Variants in ZBTB10 observed in about 807,000 individuals in gnomAD.
ZBTB10 encodes zinc finger and BTB domain-containing protein 10.
ZBTB10 carries 32 observed loss-of-function variants against 76.4 expected under a neutral mutation model. The ratio of observed to expected loss-of-function variants is 0.42; its 90% CI spans 0.32 to 0.56. ZBTB10 has a LOEUF of 0.56. Among genes scored for constraint, ZBTB10 ranks in the 20% least tolerant of loss-of-function variants. The pLI is 0.14. For synonymous variants in ZBTB10, 523 were observed against 432.9 expected (o/e 1.21, Z -2.58); for missense variants, 1,057 against 1,098.5 (o/e 0.96, Z 0.53).
chr8:80,519,592 G>A lies in ZBTB10; in HGVS notation c.*64G>A. On this transcript the variant is annotated 3_prime_UTR_variant, in exon 6 of 6. Transcript: ENST00000455036. ...CTAATATGAATCGACAATTTGGATT[G>A]TTGAACTTGAAGGCTTGCAAAATAT... The A allele has an allele frequency of 6.8e-7, 1 of 1,481,058 alleles. No individual in the cohort carries two copies. Among genetic ancestry groups the A allele is most frequent in the Non-Finnish European group, 9.1e-7 (1 of 1,103,718 alleles). 91.7% of individuals were successfully genotyped at this position (1,481,058 alleles called of 1,614,324 possible).
chr8:80,506,544 C>G (rs1816057271), intron 2 of ZBTB10, among the ~76,000 whole-genome samples: 3 of 149,994 alleles, frequency 2.0e-5, no homozygotes, highest in African/African-American at 7.5e-5. Flanking sequence ...GTCTTGAACT[C>G]CTGACCTCAG....
At chr8:80,517,896 T>TTTG (rs1816368388) in intron 3 of ZBTB10, among the ~76,000 whole-genome samples, 1 of 145,430 alleles carries the variant, frequency 6.9e-6, no homozygotes, top group African/African-American at 2.6e-5. Flanking sequence ...TTTTTTTTTT[T>TTTG]GAGACATGAT....
At position 80,518,902 on chromosome 8, in the gene ZBTB10, A is replaced by C; in HGVS notation, c.2258A>C (p.Asp753Ala). 6.2e-7 allele frequency: 1 copy of C among 1,609,344 alleles called. No homozygotes were observed. Among genetic ancestry groups the C allele is most frequent in the Non-Finnish European group, 8.5e-7 (1 of 1,177,472 alleles). ...IHTGVRSFSC[D>A]ICGKLFTRRE... ...ACAGGAGTGAGATCATTTAGCTGTG[A>C]TATTTGTGGAAAACTGTTTACTCGA... Residue 753 changes from aspartate to alanine, a missense_variant, in exon 5 of 6, where the codon GAT becomes GCT. Physicochemically the swap from Asp to Ala is moderately radical, Grantham distance 126 (BLOSUM62 -2). This residue lies in a region of ZBTB10 where 54 missense variants were observed against 138.1 expected (regional missense o/e 0.39). Transcript: ENST00000455036.
chr8:80,493,205 G>GCGCGCGCACACA (rs1554551251), intron 1 of ZBTB10, among the ~76,000 whole-genome samples: 1 of 98,372 alleles, frequency 1.0e-5, no homozygotes, highest in Non-Finnish European at 2.2e-5. Context: ...GCGCGCGCGC[G>GCGCGCGCACACA]CGCACACACA....
intron 3 of ZBTB10, 90 bp downstream of exon 3, chr8:80,514,098 G>C (rs1430696687): frequency 1.7e-6 from 2 of 1,185,630 alleles, no homozygotes; most frequent in Non-Finnish European, 2.4e-6. Flanking sequence ...TCTTCCATAA[G>C]GGGGTTCTAT....
At chr8:80,501,673 T>C (rs561342894) in intron 2 of ZBTB10, among the ~76,000 whole-genome samples, 3 of 152,036 alleles carry the variant, frequency 2.0e-5, no homozygotes, top group African/African-American at 7.2e-5. Context: ...ATTTTGTGTA[T>C]GTATGTGTGT....
At chr8:80,499,396 T>G (rs1339943915) in intron 1 of ZBTB10, 98 bp from the exon 2 acceptor site, 1 of 1,265,980 alleles carries the variant, frequency 7.9e-7, no homozygotes, top group Non-Finnish European at 1.1e-6. Flanking sequence ...ATATATTTGA[T>G]TATCGCTTTT....
chr8:80,513,189 T>C (rs953476595), intron 2 of ZBTB10, among the ~76,000 whole-genome samples: 2 of 152,144 alleles, frequency 1.3e-5, no homozygotes, highest in African/African-American at 4.8e-5. Flanking sequence ...CACCCCAGGC[T>C]GGAGTGCAGT....
chr8:80,492,198 C>T (rs1426982479), intron 1 of ZBTB10, among the ~76,000 whole-genome samples: 1 of 152,126 alleles, frequency 6.6e-6, no homozygotes, highest in Non-Finnish European at 1.5e-5. Flanking sequence ...ATAATTTATT[C>T]TTTGTGTTTT....
chr8:80,493,207 G>GCA (rs369440030), intron 1 of ZBTB10, among the ~76,000 whole-genome samples: 10,436 of 125,140 alleles, frequency 0.083, 418 homozygotes, highest in South Asian at 0.14. Flanking sequence ...GCGCGCGCGC[G>GCA]CACACACACA....
At chr8:80,495,778 C>T (rs1346863444) in intron 1 of ZBTB10, among the ~76,000 whole-genome samples, 7 of 152,104 alleles carry the variant, frequency 4.6e-5, no homozygotes. Flanking sequence ...TATTGAACAT[C>T]TAGATAATAG....
chr8:80,496,449 A>G (rs1006448996), intron 1 of ZBTB10, among the ~76,000 whole-genome samples: 5 of 151,558 alleles, frequency 3.3e-5, no homozygotes, highest in African/African-American at 1.2e-4. Flanking sequence ...GGTGAACAAG[A>G]AATTGCTGTT....
At position 80,522,180 on chromosome 8, in the gene ZBTB10, A is replaced by T. The variant is rs1485938277; in HGVS notation, c.*2652A>T. 6.6e-6 allele frequency: 1 copy of T among 151,822 alleles called. No individual in the cohort carries two copies. Among genetic ancestry groups the T allele is most frequent in the Non-Finnish European group, 1.5e-5 (1 of 67,800 alleles). The allele number at this position is 151,822 out of a possible 1,614,324, so 9.4% of individuals were successfully genotyped here. ...TACTACTGGACATTTCTATTTTTTTAAGTGTATTCTTTTTCTGACTTACAG... is the reference window on the plus strand; with the variant it reads ...TACTACTGGACATTTCTATTTTTTTTAGTGTATTCTTTTTCTGACTTACAG... On this transcript the variant is annotated 3_prime_UTR_variant, in exon 6 of 6. Transcript: ENST00000455036.
intron 2 of ZBTB10, among the ~76,000 whole-genome samples, chr8:80,502,738 T>TA (rs33919475): frequency 0.37 from 53,658 of 144,982 alleles, 11,799 homozygotes; most frequent in African/African-American, 0.64. Flanking sequence ...GCTAAAACAG[T>TA]AAAAAAAAAA....
chr8:80,496,793 A>G (rs770925932), intron 1 of ZBTB10, among the ~76,000 whole-genome samples: 5 of 152,186 alleles, frequency 3.3e-5, no homozygotes, highest in Non-Finnish European at 5.9e-5. Context: ...GTACATGCTA[A>G]TTCACTGCTT....
chr8:80,505,906 G>A (rs1442611994), intron 2 of ZBTB10, among the ~76,000 whole-genome samples: 3 of 141,960 alleles, frequency 2.1e-5, no homozygotes, highest in Non-Finnish European at 4.5e-5. Context: ...GCACCACTAT[G>A]CCTGGCTAAT....
intron 1 of ZBTB10, among the ~76,000 whole-genome samples, chr8:80,494,284 T>G (rs1169720614): frequency 6.6e-6 from 1 of 152,224 alleles, no homozygotes; most frequent in Non-Finnish European, 1.5e-5. Context: ...GCTTGTTTCT[T>G]TAACTGAATA....
In ZBTB10 at chr8:80,505,939, T is replaced by TTC. The variant is rs1442301013; in HGVS notation, c.1861+5557_1861+5558insTC. ...AATTTTTTTTTTTTTTTTTTTTTTT[T>TTC]AAGTAAAGGTGAAGTCTCGCTTTGT... On this transcript the variant is annotated intron_variant, in intron 2 of 5. Coordinates refer to ENST00000455036, the MANE Select transcript of ZBTB10 (RefSeq NM_001105539.3). 2.6e-4 allele frequency among the ~76,000 whole-genome samples: 37 copies of TTC among 140,514 alleles called. 1 individual carries two copies. In the East Asian group the frequency reaches 7.3e-3, roughly 28 times the overall value. 92.2% of individuals were successfully genotyped at this position (140,514 alleles called of 152,430 possible).
chr8:80,514,266 TG>T (rs1051197832), intron 3 of ZBTB10, among the ~76,000 whole-genome samples: 6 of 152,254 alleles, frequency 3.9e-5, no homozygotes, highest in African/African-American at 1.4e-4. Flanking sequence ...ATATGGCTTA[TG>T]GCTTCCTGCT....
Sources: gnomAD v4.1 joint callset for allele counts (sites outside exome capture counted in the v4.1 genomes callset) on GRCh38, gnomAD v4.1.1 for gene constraint, gnomAD v4.1.1 regional missense constraint, MANE v1.5 for transcripts, NCBI Gene and HGNC (gene_info 2026-07-23, HGNC 2026-07-21) for gene names.